Variants in KIF9 observed in about 807,000 individuals in gnomAD.
The protein encoded by KIF9 is kinesin-like protein KIF9.
KIF9 carries 68 observed loss-of-function variants against 94.8 expected under a neutral mutation model. The ratio of observed to expected loss-of-function variants is 0.72; its 90% CI spans 0.59 to 0.88. The LOEUF (loss-of-function observed/expected upper bound fraction) is 0.88, where lower values mean the gene tolerates loss of function less well. Among genes scored for constraint, KIF9 ranks in the 40% least tolerant of loss-of-function variants. The pLI, the probability that KIF9 is intolerant of heterozygous loss-of-function variation, is 0.00. For missense variants in KIF9, 882 were observed against 982.5 expected, an observed-to-expected ratio of 0.90 and a Z score of 1.37; for synonymous variants, 343 against 362.1, an observed-to-expected ratio of 0.95 and a Z score of 0.60.
At chr3:47,249,426 G>A (rs989147519) in intron 10 of KIF9, among the ~76,000 whole-genome samples, 3 of 152,124 alleles carry the variant, frequency 2.0e-5, no homozygotes, top group Admixed American at 1.3e-4. Context: ...GATTACAAGC[G>A]TGAGTCACTG....
At chr3:47,258,182 T>C (rs985627562) in intron 9 of KIF9, among the ~76,000 whole-genome samples, 4 of 152,240 alleles carry the variant, frequency 2.6e-5, no homozygotes, top group African/African-American at 7.2e-5. Flanking sequence ...AATTTTAATA[T>C]GTTTTATTTA....
chr3:47,281,509 G>C (rs1315821134), intron 1 of KIF9, among the ~76,000 whole-genome samples: 1 of 152,028 alleles, frequency 6.6e-6, no homozygotes, highest in East Asian at 1.9e-4. Flanking sequence ...CACCACGCCC[G>C]GGTAATTTTT....
chr3:47,276,444 T>C (rs1436110145), intron 2 of KIF9, among the ~76,000 whole-genome samples: 1 of 150,792 alleles, frequency 6.6e-6, no homozygotes, highest in East Asian at 1.9e-4. Context: ...TAATCCCAGC[T>C]ACTAGCAGGG....
At chr3:47,230,767 C>T (rs1698509592) in intron 20 of KIF9, among the ~76,000 whole-genome samples, 1 of 151,970 alleles carries the variant, frequency 6.6e-6, no homozygotes, top group African/African-American at 2.4e-5. Context: ...AGGCTGGGCA[C>T]AGTGGCTCAT....
Position 47,255,791 on chromosome 3 carries a change from G to A in KIF9, c.1059+1692C>T, listed in dbSNP as rs902217159. 2.7e-4 allele frequency among the ~76,000 whole-genome samples: 40 copies of A among 150,756 alleles called. 1 individual carries two copies. Among genetic ancestry groups the A allele is most frequent in the African/African-American group, 9.0e-4 (37 of 41,160 alleles). ...GGTCTCCCTCTCCCTCTCTTTCCAC[G>A]GTCTCCCTCTGATGCCGAGCCGAAG... On this transcript the variant is annotated intron_variant, in intron 10 of 20. Transcript: ENST00000684063.
chr3:47,265,783 T>C lies in KIF9; in HGVS notation c.863A>G (p.Asp288Gly), dbSNP rs751654336. The change falls in exon 8 of 21, where the codon GAC (aspartate) becomes GGC (glycine). Residue 288 changes from aspartate (D) to glycine (G), a missense_variant. Transcript: ENST00000684063. ...CTTGCACTGCCGAAAGGGGATGTGG[T>C]CCCGCTTCTGGTCCCCAAGGGCAAT... is the stretch of plus-strand genomic sequence containing the variant. ...AIIALGDQKR[D>G]HIPFRQCKLT... is the part of the protein sequence containing the mutation. 10 of 1,614,064 alleles carry C rather than the reference T, an allele frequency of 6.2e-6. No individual in the cohort carries two copies. The highest frequency in any genetic ancestry group is 5.0e-5 in the Admixed American group (3 of 60,008).
At chr3:47,264,190 G>C in intron 9 of KIF9, 96 bp downstream of exon 9, 1 of 904,876 alleles carries the variant, frequency 1.1e-6, no homozygotes, top group Non-Finnish European at 1.9e-6. Context: ...CAATGTCTAT[G>C]GCCACTGTGC....
In KIF9 at chr3:47,261,299, C is replaced by T. The variant is rs577632833; in HGVS notation, c.981+2987G>A. The stretch of plus-strand genomic sequence containing the variant: ...CATGCTCCAAAATGGACTCTGGGGT[C>T]CCCGGGACACTAAGAGTGATGCCTG... On this transcript the variant is annotated intron_variant, in intron 9 of 20. Coordinates refer to ENST00000684063, the MANE Select transcript of KIF9 (RefSeq NM_182902.4). Among the ~76,000 whole-genome samples the T allele has an allele frequency of 2.3e-3, 352 of 152,260 alleles. 1 individual carries two copies. The highest frequency in any genetic ancestry group is 4.2e-3 in the Non-Finnish European group (289 of 68,024).
chr3:47,233,005 A>G (rs1430791258), intron 20 of KIF9, among the ~76,000 whole-genome samples: 1 of 150,650 alleles, frequency 6.6e-6, no homozygotes, highest in Non-Finnish European at 1.5e-5. Context: ...AACAAAAACC[A>G]TAAGGAAAGT....
At chr3:47,245,624 C>A (rs1699872733) in intron 13 of KIF9, 113 bp from the exon 14 acceptor site, 11 of 768,666 alleles carry the variant, frequency 1.4e-5, no homozygotes, top group Non-Finnish European at 2.5e-5. Flanking sequence ...TTGTGTGGGG[C>A]CACACCTTCA....
At position 47,282,654 on chromosome 3, in the gene KIF9, C is replaced by A. The variant is rs894990405; in HGVS notation, c.-165G>T. ...GGGTGGCGGAAATGAAGTCCGAGGT[C>A]CTACGTCGAGGATACGGGTGAGGTC... On this transcript the variant is annotated 5_prime_UTR_variant, in exon 1 of 21. Coordinates refer to ENST00000684063, the MANE Select transcript of KIF9 (RefSeq NM_182902.4). 1.6e-5 allele frequency: 20 copies of A among 1,227,352 alleles called. No homozygotes were observed. The African/African-American group carries it at 3.0e-4, about 18-fold the overall frequency. The allele number at this position is 1,227,352 out of a possible 1,614,324, so 76.0% of individuals were successfully genotyped here. A position where few individuals can be genotyped will look rare whatever the true frequency, so the allele number is the denominator to read the frequency against.
chr3:47,256,083 G>A (rs1251254318), intron 10 of KIF9, among the ~76,000 whole-genome samples: 1 of 152,258 alleles, frequency 6.6e-6, no homozygotes, highest in Non-Finnish European at 1.5e-5. Flanking sequence ...CCAGGCTGGA[G>A]TGCAGTGGCG....
intron 5 of KIF9, among the ~76,000 whole-genome samples, chr3:47,268,705 CCCAG>C (rs1701448633): frequency 6.6e-6 from 1 of 151,802 alleles, no homozygotes; most frequent in Admixed American, 6.6e-5. Context: ...ACCTCAGCCT[CCCAG>C]GTAGCTAAAA....
At chr3:47,230,614 C>T (rs1178794634) in intron 20 of KIF9, among the ~76,000 whole-genome samples, 2 of 151,928 alleles carry the variant, frequency 1.3e-5, no homozygotes, top group Non-Finnish European at 2.9e-5. Context: ...GCCTATAATC[C>T]CAGCTACTCA....
chr3:47,274,150 G>A (rs572309648), intron 3 of KIF9, among the ~76,000 whole-genome samples: 5 of 152,300 alleles, frequency 3.3e-5, no homozygotes, highest in Admixed American at 2.6e-4. Flanking sequence ...TTCTGTCAAG[G>A]GTGAGAATTC....
intron 8 of KIF9, 95 bp downstream of exon 8, chr3:47,265,635 G>A: frequency 1.5e-6 from 2 of 1,330,736 alleles, no homozygotes; most frequent in Non-Finnish European, 2.1e-6. Flanking sequence ...CACCAGGAGG[G>A]AGCAATTCTA....
chr3:47,267,989 G>A (rs759416763), intron 5 of KIF9, among the ~76,000 whole-genome samples: 4 of 149,308 alleles, frequency 2.7e-5, no homozygotes, highest in Admixed American at 6.7e-5. Context: ...CTCCCACCTC[G>A]GCTTCCTGAG....
chr3:47,265,842 G>T lies in KIF9; in HGVS notation c.804C>A (p.Ile268=), dbSNP rs377497051. 2.5e-6 allele frequency: 4 copies of T among 1,614,064 alleles called. No individual in the cohort carries two copies. The African/African-American group carries it at 5.3e-5, about 22-fold the overall frequency. The change falls in exon 8 of 21, where the codon ATC becomes ATA. Residue 268 remains isoleucine (I), a synonymous_variant. Transcript: ENST00000684063. ...GCTCCAGGAATGAGAGCGATTTGTT[G>T]ATGTAGGTGGCTTCCTTCAGGACTT... is the stretch of plus-strand genomic sequence containing the variant. The part of the protein sequence containing the change: ...EGQVLKEATY[I]NKSLSFLEQA...
Position 47,229,794 on chromosome 3 carries a change from C to T in KIF9, c.2323-1092G>A, listed in dbSNP as rs538422413. Among the ~76,000 whole-genome samples, 6 of 151,308 alleles carry T rather than the reference C, an allele frequency of 4.0e-5. No individual in the cohort carries two copies. The South Asian group carries it at 1.0e-3, about 26-fold the overall frequency. ...TGTCACCCAGGCCGGAGTACAGTGG[C>T]GCAATCTCGGCTCACTACAACCTCT... On this transcript the variant is annotated intron_variant, in intron 20 of 20. Coordinates refer to ENST00000684063, the MANE Select transcript of KIF9 (RefSeq NM_182902.4).
Sources: gnomAD v4.1 joint callset for allele counts (sites outside exome capture counted in the v4.1 genomes callset) on GRCh38, gnomAD v4.1.1 for gene constraint, MANE v1.5 for transcripts, NCBI Gene and HGNC (gene_info 2026-07-23, HGNC 2026-07-21) for gene names.